CEP135: variants seen among roughly 807,000 people sequenced by gnomAD.
The protein encoded by CEP135 is centrosomal protein 135.
Under a neutral mutation model 157.3 loss-of-function variants are expected in CEP135, and 142 were observed. The ratio of observed to expected loss-of-function variants is 0.90; its 90% CI spans 0.79 to 1.04. The LOEUF (loss-of-function observed/expected upper bound fraction) is 1.04, where lower values mean the gene tolerates loss of function less well. CEP135 is among the 50% of genes least tolerant of loss of function. The pLI is 0.00. For synonymous variants in CEP135, 396 were observed against 439.8 expected, an observed-to-expected ratio of 0.90 and a Z score of 1.25; for missense variants, 1,317 against 1,309.2, an observed-to-expected ratio of 1.01 and a Z score of -0.09.
At chr4:55,953,046 T>C (rs1163300864) in intron 2 of CEP135, 39 bp from the exon 3 acceptor site, 43 of 1,445,648 alleles carry the variant, frequency 3.0e-5, no homozygotes, top group Non-Finnish European at 3.7e-5. Context: ...AGAAAGTTAA[T>C]GAAATATTTC....
intron 10 of CEP135, among the ~76,000 whole-genome samples, chr4:55,974,008 C>G (rs1729110745): frequency 6.6e-6 from 1 of 152,196 alleles, no homozygotes; most frequent in Non-Finnish European, 1.5e-5. Context: ...AGTTCATCCT[C>G]TAGTTTGCAT....
chr4:56,014,780 G>T (rs1258770953), intron 21 of CEP135, among the ~76,000 whole-genome samples: 1 of 152,112 alleles, frequency 6.6e-6, no homozygotes, highest in African/African-American at 2.4e-5. Context: ...TGTAATCCTA[G>T]TACTTTGGAA....
At chr4:55,950,537 C>A (rs1728332419) in intron 1 of CEP135, among the ~76,000 whole-genome samples, 1 of 151,848 alleles carries the variant, frequency 6.6e-6, no homozygotes, top group African/African-American at 2.4e-5. Flanking sequence ...GTAAACCTAG[C>A]ACTTTGGGAG....
intron 6 of CEP135, among the ~76,000 whole-genome samples, chr4:55,963,326 C>T (rs888133641): frequency 6.6e-6 from 1 of 152,220 alleles, no homozygotes; most frequent in Non-Finnish European, 1.5e-5. Flanking sequence ...GTTCTTCAGA[C>T]ATCTCCAACT....
At chr4:55,954,131 A>G (rs1030351611) in intron 3 of CEP135, 85 bp from the exon 4 acceptor site, 14 of 1,249,352 alleles carry the variant, frequency 1.1e-5, no homozygotes, top group African/African-American at 1.5e-5. Flanking sequence ...TTAAATTGAT[A>G]TGACTTTTTG....
intron 13 of CEP135, among the ~76,000 whole-genome samples, chr4:55,983,037 C>G (rs962181368): frequency 6.6e-6 from 1 of 152,110 alleles, no homozygotes; most frequent in Admixed American, 6.6e-5. Flanking sequence ...TAAGCATAGT[C>G]TTTATGTCAC....
chr4:56,005,187 G>A (rs992899801), intron 17 of CEP135, among the ~76,000 whole-genome samples: 2 of 152,122 alleles, frequency 1.3e-5, no homozygotes, highest in Non-Finnish European at 2.9e-5. Context: ...GCTCACACCT[G>A]TAATCCCAAC....
At chr4:56,002,083 A>T (rs140874261) in intron 17 of CEP135, among the ~76,000 whole-genome samples, 234 of 152,212 alleles carry the variant, frequency 1.5e-3, no homozygotes, top group African/African-American at 5.1e-3. Context: ...TGATTTTTGT[A>T]ATCTTGATTT....
At chr4:56,022,814 G>A (rs1731012859) in intron 24 of CEP135, among the ~76,000 whole-genome samples, 3 of 152,182 alleles carry the variant, frequency 2.0e-5, no homozygotes, top group Admixed American at 2.0e-4. Flanking sequence ...CGATATGGTA[G>A]GCCTGGCATG....
intron 5 of CEP135, among the ~76,000 whole-genome samples, chr4:55,958,917 T>C (rs1728590532): frequency 6.6e-6 from 1 of 152,096 alleles, no homozygotes; most frequent in South Asian, 2.1e-4. Flanking sequence ...AAACTCTCTC[T>C]CTACAAAAAA....
rs113294477 is a variant in CEP135 at position 56,015,528 on chromosome 4, G to C, written c.2803-2120G>C. Among the ~76,000 whole-genome samples the C allele has an allele frequency of 5.9e-3, 903 of 152,372 alleles. 6 individuals carry two copies. Among genetic ancestry groups the C allele is most frequent in the Admixed American group, 0.017 (267 of 15,310 alleles). On this transcript the variant is annotated intron_variant, in intron 21 of 25. Transcript: ENST00000257287. ...GCCCCCCTGGCTGGCTCAGAGAACA[G>C]AGCACCAGAGAATGAAGGCACAAAT...
At chr4:55,973,298 A>C (rs1269519030) in intron 10 of CEP135, among the ~76,000 whole-genome samples, 1 of 152,162 alleles carries the variant, frequency 6.6e-6, no homozygotes, top group African/African-American at 2.4e-5. Flanking sequence ...GAAATCTTAC[A>C]CTGTTCTCTT....
At chr4:55,959,543 G>T in intron 5 of CEP135, 139 bp from the exon 6 acceptor site, 1 of 691,962 alleles carries the variant, frequency 1.4e-6, no homozygotes, top group Non-Finnish European at 2.5e-6. Context: ...ATATTGATTT[G>T]GGGACCCTTT....
intron 17 of CEP135, 64 bp from the exon 18 acceptor site, chr4:56,008,262 AG>A: frequency 3.5e-6 from 4 of 1,143,664 alleles, no homozygotes; most frequent in Non-Finnish European, 3.9e-6. Flanking sequence ...GAATATGACA[AG>A]TTACATAAAT....
intron 14 of CEP135, among the ~76,000 whole-genome samples, chr4:55,988,951 GC>G (rs1729695772): frequency 6.7e-6 from 1 of 149,808 alleles, no homozygotes; most frequent in South Asian, 2.1e-4. Context: ...GGGAGACAGA[GC>G]AAGACTCCGT....
At chr4:55,999,841 T>C (rs1261725857) in intron 17 of CEP135, among the ~76,000 whole-genome samples, 196 bp downstream of exon 17, 1 of 152,082 alleles carries the variant, frequency 6.6e-6, no homozygotes, top group Admixed American at 6.5e-5. Context: ...GAGCCACTAC[T>C]CCTAGCCGGA....
intron 25 of CEP135, among the ~76,000 whole-genome samples, chr4:56,029,603 A>G (rs1731272077): frequency 6.6e-6 from 1 of 152,204 alleles, no homozygotes; most frequent in African/African-American, 2.4e-5. Context: ...ATGTCATAGA[A>G]TGTATGTACT....
chr4:55,971,512 G>T, intron 10 of CEP135, 104 bp downstream of exon 10: 9 of 1,111,876 alleles, frequency 8.1e-6, no homozygotes, highest in Non-Finnish European at 1.1e-5. Flanking sequence ...ATAAATATTT[G>T]TTGAGTGCTT....
chr4:55,999,461 T>C, intron 16 of CEP135, 30 bp from the exon 17 acceptor site: 2 of 1,612,608 alleles, frequency 1.2e-6, no homozygotes, highest in South Asian at 2.2e-5. Context: ...TAATGTACTT[T>C]GTCTAACAAA....
Sources: gnomAD v4.1 joint callset for allele counts (sites outside exome capture counted in the v4.1 genomes callset) on GRCh38, gnomAD v4.1.1 for gene constraint, MANE v1.5 for transcripts, NCBI Gene and HGNC (gene_info 2026-07-23, HGNC 2026-07-21) for gene names.